The following RNF157 variants were observed in gnomAD, a reference collection of about 807,000 sequenced individuals.
RNF157 encodes E3 ubiquitin ligase RNF157.
In RNF157, 55 loss-of-function variants were observed where a neutral mutation model predicts 88.3. The observed-to-expected ratio is 0.62, with a 90% CI of 0.50 to 0.78. The LOEUF (loss-of-function observed/expected upper bound fraction) is 0.78. Ranked by LOEUF, RNF157 falls within the 30% of genes least tolerant of loss-of-function variation. RNF157 has a pLI of 0.00. For synonymous variants in RNF157, 334 were observed against 341.2 expected, an observed-to-expected ratio of 0.98 and a Z score of 0.23; for missense variants, 788 against 860.8, an observed-to-expected ratio of 0.92 and a Z score of 1.06.
At chr17:76,183,367 G>C (rs896705997) in intron 2 of RNF157, among the ~76,000 whole-genome samples, 9 of 152,218 alleles carry the variant, frequency 5.9e-5, no homozygotes, top group African/African-American at 1.7e-4. Context: ...ATGCAGGTAG[G>C]TTAGAGACCC....
intron 1 of RNF157, among the ~76,000 whole-genome samples, chr17:76,233,647 C>G (rs972694189): frequency 6.6e-6 from 1 of 152,286 alleles, no homozygotes; most frequent in African/African-American, 2.4e-5. Flanking sequence ...AGCAATCCTT[C>G]TGCCTCAACC....
intron 2 of RNF157, among the ~76,000 whole-genome samples, chr17:76,189,063 G>A (rs768837600): frequency 3.5e-4 from 53 of 152,178 alleles, no homozygotes; most frequent in Non-Finnish European, 6.9e-4. Flanking sequence ...AGGAAAAATT[G>A]AGAAACTAGC....
intron 2 of RNF157, among the ~76,000 whole-genome samples, chr17:76,182,634 C>T (rs1329721388): frequency 1.3e-5 from 2 of 150,960 alleles, no homozygotes; most frequent in African/African-American, 4.9e-5. Context: ...AGGCAATTCC[C>T]AGTAGTCTAC....
At chr17:76,192,029 C>A (rs980823401) in intron 2 of RNF157, among the ~76,000 whole-genome samples, 3 of 152,132 alleles carry the variant, frequency 2.0e-5, no homozygotes, top group Non-Finnish European at 2.9e-5. Context: ...AAAAAGTTAA[C>A]CAGATTTTTC....
chr17:76,179,041 G>C (rs1177534029), intron 2 of RNF157, among the ~76,000 whole-genome samples: 2 of 152,166 alleles, frequency 1.3e-5, no homozygotes, highest in African/African-American at 4.8e-5. Context: ...ATAAATGTTT[G>C]TGTTTGTCCA....
chr17:76,163,190 CTTTT>C (rs35564567), intron 8 of RNF157: 12 of 121,388 alleles, frequency 9.9e-5, no homozygotes, highest in Non-Finnish European at 1.7e-4. Context: ...GCCCTGTTTC[CTTTT>C]TTTTTTTTTT....
Position 76,146,375 on chromosome 17 carries a change from T to G in RNF157, c.1922-1022A>C. ...CTCCTAGAATAGCCTGTGCTCAGGC[T>G]CCTCCAGGCCATCTCGCCTCTCCCC... is the stretch of plus-strand genomic sequence containing the variant. On this transcript the variant is annotated intron_variant, in intron 18 of 18. Coordinates refer to ENST00000269391, the MANE Select transcript of RNF157 (RefSeq NM_052916.3). The surrounding 1 kb of genome is among the most constrained non-coding windows in gnomAD (Gnocchi z 4.2). 1 of 985,498 alleles carries G rather than the reference T, an allele frequency of 1.0e-6. No individual in the cohort carries two copies. The highest frequency in any genetic ancestry group is 1.2e-6 in the Non-Finnish European group (1 of 830,018). The allele number at this position is 985,498 out of a possible 1,614,324, so 61.0% of individuals were successfully genotyped here.
chr17:76,170,785 A>T (rs2069000594), intron 3 of RNF157, among the ~76,000 whole-genome samples: 1 of 152,178 alleles, frequency 6.6e-6, no homozygotes, highest in Non-Finnish European at 1.5e-5. Context: ...TAAGTCATTT[A>T]ACGTTCACTA....
intron 1 of RNF157, among the ~76,000 whole-genome samples, chr17:76,231,266 A>G (rs974286997): frequency 2.6e-5 from 4 of 152,146 alleles, no homozygotes; most frequent in East Asian, 1.9e-4. Context: ...CAAAGTGCTC[A>G]GATTACAGGC....
chr17:76,170,660 G>T (rs2068999053), intron 3 of RNF157, among the ~76,000 whole-genome samples: 1 of 152,130 alleles, frequency 6.6e-6, no homozygotes, highest in African/African-American at 2.4e-5. Context: ...TCAACTTCTA[G>T]AGGGACCTGG....
At chr17:76,225,841 C>G in intron 1 of RNF157, 1 of 1,611,086 alleles carries the variant, frequency 6.2e-7, no homozygotes, top group Non-Finnish European at 8.5e-7. Flanking sequence ...AATCTGCCCT[C>G]TCTTTTAGAG....
intron 1 of RNF157, among the ~76,000 whole-genome samples, chr17:76,238,983 C>T (rs906599709): frequency 4.6e-5 from 7 of 152,174 alleles, no homozygotes; most frequent in Non-Finnish European, 5.9e-5. Context: ...GCAGGTTCAT[C>T]GTCTGGCCCC....
chr17:76,235,217 A>G (rs976669004), intron 1 of RNF157, among the ~76,000 whole-genome samples: 1 of 131,780 alleles, frequency 7.6e-6, no homozygotes, highest in African/African-American at 3.1e-5. Context: ...TTTTTTTTTG[A>G]GACGGAGTCT....
chr17:76,225,929 G>C lies in RNF157; in HGVS notation c.89-13447C>G. ...CGCCCTCTTCTTCTGGCGGTACCTA[G>C]TGGCTGCTGTCTTGTTTTGCTCCAT... On this transcript the variant is annotated intron_variant, in intron 1 of 18. Coordinates refer to ENST00000269391, the MANE Select transcript of RNF157 (RefSeq NM_052916.3). 2.5e-6 allele frequency: 4 copies of C among 1,613,048 alleles called. No homozygotes were observed. In the South Asian group the frequency reaches 4.4e-5, roughly 18 times the overall value.
chr17:76,149,400 C>T (rs1598382175), intron 18 of RNF157, among the ~76,000 whole-genome samples: 3 of 152,014 alleles, frequency 2.0e-5, no homozygotes, highest in Admixed American at 6.5e-5. Flanking sequence ...AGAGACCAGG[C>T]GCATGTGCAG....
Position 76,145,357 on chromosome 17 carries a change from G to C in RNF157, c.1922-4C>G. The C allele has an allele frequency of 2.5e-6, 4 of 1,609,456 alleles. No homozygotes were observed. Among genetic ancestry groups the C allele is most frequent in the Non-Finnish European group, 3.4e-6 (4 of 1,176,868 alleles). On this transcript the variant is annotated splice_polypyrimidine_tract_variant and splice_region_variant and intron_variant, in intron 18 of 18. Coordinates refer to ENST00000269391, the MANE Select transcript of RNF157 (RefSeq NM_052916.3). ...TTGTCATCAGCCTGCCAGGCACCTG[G>C]GGAAGAGAAAATGAACATTACAGGA...
chr17:76,171,996 C>T (rs1051166881), intron 3 of RNF157, among the ~76,000 whole-genome samples: 1 of 152,162 alleles, frequency 6.6e-6, no homozygotes, highest in Non-Finnish European at 1.5e-5. Context: ...AATGGCAGGC[C>T]CCAGAGGCCT....
In RNF157 at chr17:76,156,267, T is replaced by C. The variant is rs748944783; in HGVS notation, c.1468A>G (p.Ile490Val). ...GTCCCTGTGCAAGACGACTGGTCAA[T>C]AGCTCCAGATGACGACAAGGTGAGA... ...ENLTLSSSGA[I>V]DQSSCTGTPL... Residue 490 changes from isoleucine to valine, a missense_variant, in exon 14 of 19, where the codon ATT (isoleucine) becomes GTT (valine). By Grantham distance (29) the Ile-to-Val change is conservative. Transcript: ENST00000269391. 6.2e-7 allele frequency: 1 copy of C among 1,614,070 alleles called. No homozygotes were observed. Among genetic ancestry groups the C allele is most frequent in the Non-Finnish European group, 8.5e-7 (1 of 1,179,988 alleles).
rs780293331 is a variant in RNF157, at chr17:76,212,432, T to A, written c.139A>T (p.Thr47Ser). The A allele has an allele frequency of 1.2e-6, 2 of 1,613,848 alleles. No homozygotes were observed. The highest frequency in any genetic ancestry group is 1.1e-5 in the South Asian group (1 of 91,084). Residue 47 changes from threonine to serine, a missense_variant, in exon 2 of 19, where the codon ACT (threonine) becomes TCT (serine). Coordinates refer to ENST00000269391, the MANE Select transcript of RNF157 (RefSeq NM_052916.3). Reference protein sequence around the residue: ...FIMGGEKFDSTHPEGYLFGEN... With the variant: ...FIMGGEKFDSSHPEGYLFGEN... ...CCAAACAGGTAACCTTCAGGATGAG[T>A]TGAGTCAAACTTCTCTCCTCCCATA...
Sources: allele counts gnomAD v4.1 joint callset (sites outside exome capture counted in the v4.1 genomes callset), GRCh38; gene constraint gnomAD v4.1.1; non-coding constraint Gnocchi (gnomAD v3.1); transcripts MANE v1.5; gene names NCBI Gene and HGNC (gene_info 2026-07-23, HGNC 2026-07-21).